The following RBKS variants were observed in gnomAD, a reference collection of about 807,000 sequenced individuals.
The protein encoded by RBKS is ribokinase.
RBKS carries 33 observed loss-of-function variants against 33.9 expected under a neutral mutation model. The observed-to-expected ratio is 0.97, with a 90% CI of 0.74 to 1.30. The LOEUF is 1.30. RBKS is among the 50% of genes most tolerant of loss of function. The probability of loss-of-function intolerance (pLI) is 0.00; values close to 1 mark genes in which losing one functional copy is unlikely to be tolerated. For missense variants in RBKS, 361 were observed against 392.6 expected (o/e 0.92, Z 0.68); for synonymous variants, 125 against 143.0 (o/e 0.87, Z 0.90).
At chr2:27,840,350 A>G (rs1663460871) in intron 5 of RBKS, among the ~76,000 whole-genome samples, 3 of 137,084 alleles carry the variant, frequency 2.2e-5, no homozygotes, top group African/African-American at 3.1e-5. Context: ...ACACACACAC[A>G]CACACGCGCG....
chr2:27,826,518 C>G (rs1477043010), intron 7 of RBKS, among the ~76,000 whole-genome samples: 1 of 151,232 alleles, frequency 6.6e-6, no homozygotes, highest in Non-Finnish European at 1.5e-5. Flanking sequence ...AAGTGATTTT[C>G]CTGCCTCAGC....
Position 27,843,906 on chromosome 2 carries a change from G to A in RBKS, c.350-675C>T, listed in dbSNP as rs551774339. Among the ~76,000 whole-genome samples, 6 of 152,282 alleles carry A rather than the reference G, an allele frequency of 3.9e-5. No homozygotes were observed. In the South Asian group the frequency reaches 1.2e-3, roughly 32 times the overall value. ...TCTGTAAGGTGAACCCTTAAGAGCTGTGCTGTCCAACATGGTAGTCATGAG... is the reference window on the plus strand; with the variant it reads ...TCTGTAAGGTGAACCCTTAAGAGCTATGCTGTCCAACATGGTAGTCATGAG... On this transcript the variant is annotated intron_variant, in intron 4 of 7. Coordinates refer to ENST00000302188, the MANE Select transcript of RBKS (RefSeq NM_022128.3).
At chr2:27,786,499 A>G (rs1357912171) in intron 7 of RBKS, among the ~76,000 whole-genome samples, 2 of 152,158 alleles carry the variant, frequency 1.3e-5, no homozygotes, top group Non-Finnish European at 2.9e-5. Context: ...TTTTAAAAAT[A>G]TGGCTGGGCG....
intron 7 of RBKS, among the ~76,000 whole-genome samples, chr2:27,796,957 G>T (rs114308869): frequency 6.6e-6 from 1 of 152,122 alleles, no homozygotes; most frequent in Admixed American, 6.5e-5. Flanking sequence ...CCTTGACTAT[G>T]GCCATGGGTT....
In RBKS at chr2:27,827,581, C is replaced by A; in HGVS notation, c.781G>T (p.Ala261Ser). 1.3e-6 allele frequency: 2 copies of A among 1,591,292 alleles called. No homozygotes were observed. Among genetic ancestry groups the A allele is most frequent in the Non-Finnish European group, 1.7e-6 (2 of 1,171,574 alleles). Residue 261 changes from alanine to serine, a missense_variant, in exon 7 of 8, where the codon GCT (alanine) becomes TCT (serine). Coordinates refer to ENST00000302188, the MANE Select transcript of RBKS (RefSeq NM_022128.3). ...TTAAAACTTACCGTGGTATCCACAG[C>A]CTTGACTTTCTCTGTGGGAATGTGC... ...PKHIPTEKVK[A>S]VDTTGAGDSF... is the part of the protein sequence containing the mutation.
At chr2:27,801,903 T>A (rs1471867565) in intron 7 of RBKS, among the ~76,000 whole-genome samples, 1 of 129,754 alleles carries the variant, frequency 7.7e-6, no homozygotes, top group African/African-American at 2.9e-5. Flanking sequence ...AGCCCCAACC[T>A]CTGGAGCACA....
chr2:27,849,579 A>AAAAAAAAGAAAAAG (rs1203973788), intron 2 of RBKS, among the ~76,000 whole-genome samples: 1 of 147,794 alleles, frequency 6.8e-6, no homozygotes, highest in African/African-American at 2.6e-5. Context: ...AAAAAAAAAA[A>AAAAAAAAGAAAAAG]AAAAAAAGAA....
chr2:27,860,422 T>C (rs1230736486), intron 1 of RBKS, among the ~76,000 whole-genome samples: 5 of 152,236 alleles, frequency 3.3e-5, no homozygotes, highest in Non-Finnish European at 5.9e-5. Flanking sequence ...ATATACCATG[T>C]GGCTAAAAAC....
chr2:27,793,952 G>A (rs549668033), intron 7 of RBKS, among the ~76,000 whole-genome samples: 2 of 152,048 alleles, frequency 1.3e-5, no homozygotes, highest in Non-Finnish European at 2.9e-5. Context: ...AGTATATGGG[G>A]CTACTGCAAA....
intron 1 of RBKS, among the ~76,000 whole-genome samples, chr2:27,859,749 GTTCACAATGGTAAGGCCACT>G (rs1304477293): frequency 6.6e-6 from 1 of 151,552 alleles, no homozygotes; most frequent in African/African-American, 2.4e-5. Context: ...AAAGAGGTAA[GTTCACAATGGTAAGGCCACT>G]GAGAACCTAC....
At chr2:27,848,233 A>G in intron 2 of RBKS, 136 bp from the exon 3 acceptor site, 1 of 552,134 alleles carries the variant, frequency 1.8e-6, no homozygotes, top group Non-Finnish European at 3.2e-6. Context: ...AATCTTCTTA[A>G]TATAAGATGC....
chr2:27,786,626 C>A (rs927423441), intron 7 of RBKS, among the ~76,000 whole-genome samples: 1 of 151,936 alleles, frequency 6.6e-6, no homozygotes, highest in African/African-American at 2.4e-5. Context: ...ACGAAAAATA[C>A]AAAAAATTAG....
chr2:27,849,559 C>CAAAAAAAAAAAA (rs70953894), intron 2 of RBKS, among the ~76,000 whole-genome samples: 6 of 28,586 alleles, frequency 2.1e-4, no homozygotes, highest in African/African-American at 5.0e-4. Flanking sequence ...GACTCTGTCT[C>CAAAAAAAAAAAA]AAAAAAAAAA....
At chr2:27,806,914 C>T (rs1677908720) in intron 7 of RBKS, among the ~76,000 whole-genome samples, 1 of 152,166 alleles carries the variant, frequency 6.6e-6, no homozygotes, top group Non-Finnish European at 1.5e-5. Context: ...GATGCCGATA[C>T]TGCTGGCTTT....
chr2:27,849,175 T>G (rs1663683810), intron 2 of RBKS, among the ~76,000 whole-genome samples: 2 of 152,204 alleles, frequency 1.3e-5, no homozygotes, highest in South Asian at 4.1e-4. Flanking sequence ...TTCAGTTACA[T>G]GAGGCAATAC....
chr2:27,799,478 C>T (rs1404418406), intron 7 of RBKS, among the ~76,000 whole-genome samples: 1 of 152,118 alleles, frequency 6.6e-6, no homozygotes, highest in Non-Finnish European at 1.5e-5. Flanking sequence ...CTTTTCAAAA[C>T]CTCTCCCTAC....
At chr2:27,854,143 A>G (rs896502621) in intron 2 of RBKS, among the ~76,000 whole-genome samples, 4 of 152,218 alleles carry the variant, frequency 2.6e-5, no homozygotes, top group Non-Finnish European at 5.9e-5. Flanking sequence ...TAACAATTTT[A>G]TAAAATACAA....
At chr2:27,853,587 G>A (rs934508223) in intron 2 of RBKS, among the ~76,000 whole-genome samples, 1 of 152,094 alleles carries the variant, frequency 6.6e-6, no homozygotes, top group African/African-American at 2.4e-5. Flanking sequence ...AGCCCGGGGA[G>A]GTTGAGGCTG....
chr2:27,856,581 G>C (rs1294738695), intron 2 of RBKS, among the ~76,000 whole-genome samples: 1 of 152,136 alleles, frequency 6.6e-6, no homozygotes, highest in African/African-American at 2.4e-5. Flanking sequence ...GGTTGGAAGA[G>C]ATCCCAGGGG....
Sources: allele counts gnomAD v4.1 joint callset (sites outside exome capture counted in the v4.1 genomes callset), GRCh38; gene constraint gnomAD v4.1.1; transcripts MANE v1.5; gene names NCBI Gene and HGNC (gene_info 2026-07-23, HGNC 2026-07-21).